TNC: variants seen among roughly 807,000 people sequenced by gnomAD.
TNC encodes tenascin C, also known as tenascin.
In TNC, 109 loss-of-function variants were observed where a neutral mutation model predicts 202.4. The ratio of observed to expected loss-of-function variants is 0.54; its 90% CI spans 0.46 to 0.63. The LOEUF is 0.63. Ranked by LOEUF, TNC falls within the 30% of genes least tolerant of loss-of-function variation. The probability of loss-of-function intolerance (pLI) is 0.00; values close to 1 mark genes in which losing one functional copy is unlikely to be tolerated. For missense variants in TNC, 2,756 were observed against 2,833.3 expected (o/e 0.97, Z 0.62); for synonymous variants, 1,007 against 1,089.7 (o/e 0.92, Z 1.50).
intron 9 of TNC, among the ~76,000 whole-genome samples, chr9:115,075,282 A>G (rs1427528313): frequency 1.3e-5 from 2 of 152,210 alleles, no homozygotes. Flanking sequence ...AGCTGCGGCT[A>G]CAGGATACAA....
At chr9:115,104,800 A>C (rs1836489114) in intron 1 of TNC, among the ~76,000 whole-genome samples, 1 of 152,194 alleles carries the variant, frequency 6.6e-6, no homozygotes, top group Admixed American at 6.5e-5. Context: ...TAAGAAGTAG[A>C]ATTGGTTTGG....
At chr9:115,097,219 T>C (rs758763270) in intron 1 of TNC, among the ~76,000 whole-genome samples, 83 of 152,336 alleles carry the variant, frequency 5.4e-4, no homozygotes, top group Non-Finnish European at 9.7e-4. Context: ...CTTTCTCCTC[T>C]GAACCTCAAT....
Position 115,086,673 on chromosome 9 carries a change from T to C in TNC, c.1058A>G (p.Gln353Arg), listed in dbSNP as rs1308157100. ...ACACTGCCCCTCCTCACACCGGCCC[T>C]GGGTGTGGCAGGCATGTGGGCAGGT... is the stretch of plus-strand genomic sequence containing the variant. ...KPTCPHACHTQGRCEEGQCVC... is the reference protein window; with the variant it reads ...KPTCPHACHTRGRCEEGQCVC... Residue 353 changes from glutamine (Q) to arginine (R), a missense_variant, in exon 3 of 28, where the codon CAG (glutamine) becomes CGG (arginine). Coordinates refer to ENST00000350763, the MANE Select transcript of TNC (RefSeq NM_002160.4). 6.2e-7 allele frequency: 1 copy of C among 1,614,134 alleles called. No homozygotes were observed. The highest frequency in any genetic ancestry group is 1.3e-5 in the African/African-American group (1 of 75,054).
rs1199466917 is a variant in TNC, at chr9:115,085,699, GC to G, written c.1867+164del. Among the ~76,000 whole-genome samples the G allele has an allele frequency of 2.0e-5, 3 of 152,166 alleles. No homozygotes were observed. In the South Asian group the frequency reaches 6.2e-4, roughly 32 times the overall value. On this transcript the variant is annotated intron_variant, in intron 3 of 27. Coordinates refer to ENST00000350763, the MANE Select transcript of TNC (RefSeq NM_002160.4). ...CACCTTGTAACAACGGAATGACAGG[GC>G]CCCCTTAAAAAGTCATTATGGGTGT...
Position 115,021,272 on chromosome 9 carries a change from T to TA in TNC, c.6496-6dup, listed in dbSNP as rs5900112. 15,573 of 1,304,716 alleles carry TA rather than the reference T, an allele frequency of 0.012. 3 individuals are homozygous for TA. Among genetic ancestry groups the TA allele is most frequent in the South Asian group, 0.019 (1,271 of 67,360 alleles). The allele number at this position is 1,304,716 out of a possible 1,614,324, so 80.8% of individuals were successfully genotyped here. On this transcript the variant is annotated splice_region_variant and splice_polypyrimidine_tract_variant and intron_variant, in intron 27 of 27. Coordinates refer to ENST00000350763, the MANE Select transcript of TNC (RefSeq NM_002160.4). ...CCAGTGGAACCAGTTAACGCCCTGTTAAAAAAAAAAAAGAGAGAGAGAGAG... is the reference window on the plus strand; with the variant it reads ...CCAGTGGAACCAGTTAACGCCCTGTTAAAAAAAAAAAAAGAGAGAGAGAGAG...
chr9:115,078,841 T>C (rs988752262), intron 6 of TNC, among the ~76,000 whole-genome samples: 6 of 152,218 alleles, frequency 3.9e-5, no homozygotes, highest in Admixed American at 3.9e-4. Context: ...CTCAGAGCTC[T>C]GGAAGCACAT....
At chr9:115,084,526 C>G in intron 3 of TNC, 54 bp from the exon 4 acceptor site, 6 of 1,580,130 alleles carry the variant, frequency 3.8e-6, no homozygotes, top group Non-Finnish European at 5.2e-6. Context: ...TCTAAAATCT[C>G]TCTAGGTTTG....
chr9:115,036,292 A>C (rs1264383983), intron 20 of TNC, 51 bp from the exon 21 acceptor site: 4 of 1,600,344 alleles, frequency 2.5e-6, no homozygotes, highest in Non-Finnish European at 2.6e-6. Flanking sequence ...TGTCTGAGCC[A>C]TGAGTGGGCT....
intron 10 of TNC, among the ~76,000 whole-genome samples, chr9:115,067,598 A>G (rs988682587): frequency 4.6e-5 from 7 of 152,204 alleles, no homozygotes; most frequent in African/African-American, 1.7e-4. Context: ...CAAAAGATGG[A>G]TGGAGAGAAA....
chr9:115,089,392 A>T (rs970063055), intron 2 of TNC, among the ~76,000 whole-genome samples: 2 of 152,116 alleles, frequency 1.3e-5, no homozygotes, highest in Non-Finnish European at 2.9e-5. Context: ...AAGCAGCAAA[A>T]TTCCTTGAAA....
At chr9:115,084,058 A>C (rs1264831994) in intron 4 of TNC, 151 bp downstream of exon 4, 12 of 823,674 alleles carry the variant, frequency 1.5e-5, no homozygotes, top group Non-Finnish European at 2.1e-5. Flanking sequence ...GGATTTCTTT[A>C]ATAAGTGATT....
chr9:115,064,806 C>T lies in TNC; in HGVS notation c.3328G>A (p.Glu1110Lys), dbSNP rs141417605. 3 of 1,614,036 alleles carry T rather than the reference C, an allele frequency of 1.9e-6. No individual in the cohort carries two copies. The highest frequency in any genetic ancestry group is 2.5e-6 in the Non-Finnish European group (3 of 1,180,036). Residue 1110 changes from glutamate (E) to lysine (K), a missense_variant, in exon 11 of 28, where the codon GAG becomes AAG. Around this residue, in one of 2 missense-constraint regions of TNC, gnomAD observed 2,559 missense variants for 2,546.0 expected, o/e 1.01. Coordinates refer to ENST00000350763, the MANE Select transcript of TNC (RefSeq NM_002160.4). ...CGAGCTGCCTCCACCTTGTTGGCCT[C>T]CTGCACCTGAATGATAAAGTGCTCA... ...AYEHFIIQVQ[E>K]ANKVEAARNL... is the part of the protein sequence containing the mutation.
intron 1 of TNC, among the ~76,000 whole-genome samples, chr9:115,111,683 T>G (rs1256831563): frequency 6.6e-6 from 1 of 152,024 alleles, no homozygotes; most frequent in Non-Finnish European, 1.5e-5. Context: ...AGTGCTGGGA[T>G]TAAGAGGTGT....
rs200961533 is a variant in TNC, at chr9:115,062,983, T to C, written c.3967A>G (p.Thr1323Ala). 7.7e-5 allele frequency: 124 copies of C among 1,613,860 alleles called. No individual in the cohort carries two copies. Among genetic ancestry groups the C allele is most frequent in the Non-Finnish European group, 1.0e-4 (118 of 1,179,990 alleles). The change falls in exon 13 of 28, where the codon ACA becomes GCA. Residue 1323 changes from threonine (T) to alanine (A), a missense_variant. By Grantham distance (58) the Thr-to-Ala change is moderately conservative. Transcript: ENST00000350763. Reference sequence around the variant, plus strand: ...CTGACCTCGCCGTGCAGGGTGACTGTGTAAGGAGTGCCAGCCCTGAGGCCT... The same window carrying C: ...CTGACCTCGCCGTGCAGGGTGACTGCGTAAGGAGTGCCAGCCCTGAGGCCT... ...IPGLRAGTPY[T>A]VTLHGEVRGH...
At position 115,078,134 on chromosome 9, in the gene TNC, G is replaced by A. The variant is rs1311627852; in HGVS notation, c.2483C>T (p.Ala828Val). 2 of 1,614,172 alleles carry A rather than the reference G, an allele frequency of 1.2e-6. No individual in the cohort carries two copies. Among genetic ancestry groups the A allele is most frequent in the Non-Finnish European group, 1.7e-6 (2 of 1,180,010 alleles). The change falls in exon 7 of 28, where the codon GCT becomes GTT. Residue 828 changes from alanine (A) to valine (V), a missense_variant. Transcript: ENST00000350763. ...GGTCAGCTCAATGCCATCGATCTCA[G>A]CCAGGGGCTTGAACCAGGTGATCAA... is the stretch of plus-strand genomic sequence containing the variant. The part of the protein sequence containing the change: ...TALITWFKPL[A>V]EIDGIELTYG...
At chr9:115,077,258 G>A (rs1041696632) in intron 7 of TNC, among the ~76,000 whole-genome samples, 7 of 152,126 alleles carry the variant, frequency 4.6e-5, no homozygotes, top group African/African-American at 9.7e-5. Flanking sequence ...GGGTTTCACT[G>A]TGTTAGCCAG....
chr9:115,101,991 T>G (rs1836273906), intron 1 of TNC, among the ~76,000 whole-genome samples: 1 of 152,196 alleles, frequency 6.6e-6, no homozygotes, highest in African/African-American at 2.4e-5. Context: ...ATTTATTAAG[T>G]GTTGATTTTG....
chr9:115,021,125 T>C lies in TNC; in HGVS notation c.*32A>G, dbSNP rs761931100. The C allele has an allele frequency of 1.9e-6, 3 of 1,547,476 alleles. No individual in the cohort carries two copies. In the South Asian group the frequency reaches 3.4e-5, roughly 17 times the overall value. On this transcript the variant is annotated 3_prime_UTR_variant, in exon 28 of 28. Transcript: ENST00000350763. Reference sequence around the variant, plus strand: ...TAAAATCCTTTCCTCGCTCTGGGCCTTATTCCTCTCTCACCCAGTGGTCCC... The same window carrying C: ...TAAAATCCTTTCCTCGCTCTGGGCCCTATTCCTCTCTCACCCAGTGGTCCC...
chr9:115,047,240 C>CTTTTTTTT (rs397975455), intron 16 of TNC, among the ~76,000 whole-genome samples: 1 of 107,228 alleles, frequency 9.3e-6, no homozygotes, highest in Non-Finnish European at 1.9e-5. Context: ...CTACCCTTGA[C>CTTTTTTTT]TTTTTTTTTT....
Sources: gnomAD v4.1 joint callset for allele counts (sites outside exome capture counted in the v4.1 genomes callset) on GRCh38, gnomAD v4.1.1 for gene constraint, gnomAD v4.1.1 regional missense constraint, MANE v1.5 for transcripts, NCBI Gene and HGNC (gene_info 2026-07-23, HGNC 2026-07-21) for gene names.